EEF1AKMT1: variants seen among roughly 807,000 people sequenced by gnomAD.
EEF1AKMT1 encodes the protein N-6 adenine-specific DNA methyltransferase 2 (putative).
A neutral mutation model predicts 21.0 loss-of-function variants in EEF1AKMT1; 18 were observed. The observed-to-expected ratio is 0.86, with a 90% confidence interval of 0.59 to 1.27. The LOEUF is 1.27. Among genes scored for constraint, EEF1AKMT1 ranks in the 50% most tolerant of loss-of-function variants. EEF1AKMT1 has a pLI of 0.00. For missense variants in EEF1AKMT1, 246 were observed against 258.6 expected, an observed-to-expected ratio of 0.95 and a Z score of 0.33; for synonymous variants, 109 against 94.8, an observed-to-expected ratio of 1.15 and a Z score of -0.87.
Position 20,773,911 on chromosome 13 carries a change from C to CGCCACTCACCA in EEF1AKMT1, c.-21_-20+9dup, listed in dbSNP as rs1402497005. ...CCAACCCTACAGCTGCGCCCGAACC[C>CGCCACTCACCA]GCCACTCACCAGCCGCGCGTGCGCA... is the stretch of plus-strand genomic sequence containing the variant. On this transcript the variant is annotated intron_variant, in intron 1 of 4. Transcript: ENST00000382758. The CGCCACTCACCA allele has an allele frequency of 6.6e-6, 1 of 152,466 alleles. No individual in the cohort carries two copies. Among genetic ancestry groups the CGCCACTCACCA allele is most frequent in the Admixed American group, 6.5e-5 (1 of 15,294 alleles). 9.4% of individuals were successfully genotyped at this position (152,466 alleles called of 1,614,324 possible).
At chr13:20,743,290 C>G (rs1364575189) in intron 2 of EEF1AKMT1, among the ~76,000 whole-genome samples, 1 of 152,106 alleles carries the variant, frequency 6.6e-6, no homozygotes, top group Non-Finnish European at 1.5e-5. Context: ...TGCTCTCAAA[C>G]TCCTGACCTC....
intron 1 of EEF1AKMT1, among the ~76,000 whole-genome samples, chr13:20,760,964 A>T: frequency 6.6e-6 from 1 of 152,212 alleles, no homozygotes; most frequent in Admixed American, 6.5e-5. Flanking sequence ...AAAAATAATG[A>T]AGGTCCATCC....
intron 2 of EEF1AKMT1, among the ~76,000 whole-genome samples, chr13:20,755,221 C>CCCAG (rs2058965631): frequency 1.2e-4 from 19 of 152,178 alleles, no homozygotes; most frequent in Non-Finnish European, 2.5e-4. Flanking sequence ...GGCAGCAGAC[C>CCCAG]ACAGCAACCT....
At chr13:20,747,462 CTTTTTTTTT>C (rs60730051) in intron 2 of EEF1AKMT1, 2 of 87,656 alleles carry the variant, frequency 2.3e-5, no homozygotes, top group Non-Finnish European at 4.1e-5. Context: ...TAGGCACATT[CTTTTTTTTT>C]TTTTTTTTTT....
chr13:20,738,479 A>G (rs567375260), intron 2 of EEF1AKMT1, among the ~76,000 whole-genome samples: 1 of 152,330 alleles, frequency 6.6e-6, no homozygotes, highest in East Asian at 1.9e-4. Flanking sequence ...TATTTCTCCA[A>G]CAGGCCTCTC....
At chr13:20,737,890 CA>C (rs2058835318) in intron 2 of EEF1AKMT1, 85 bp from the exon 3 acceptor site, 1 of 869,130 alleles carries the variant, frequency 1.2e-6, no homozygotes. Context: ...TACCAGTGGA[CA>C]GATATTTTGT....
chr13:20,758,923 G>A (rs989100381), intron 1 of EEF1AKMT1, among the ~76,000 whole-genome samples: 4 of 152,162 alleles, frequency 2.6e-5, no homozygotes, highest in Non-Finnish European at 5.9e-5. Context: ...AATGGGGAAA[G>A]GATATTCTAT....
intron 1 of EEF1AKMT1, among the ~76,000 whole-genome samples, chr13:20,768,246 A>G (rs932191899): frequency 6.6e-6 from 1 of 152,196 alleles, no homozygotes; most frequent in Non-Finnish European, 1.5e-5. Flanking sequence ...GTATTCCTGA[A>G]ACACAGGTTA....
chr13:20,758,991 C>T (rs551073952), intron 1 of EEF1AKMT1, among the ~76,000 whole-genome samples: 7 of 152,258 alleles, frequency 4.6e-5, no homozygotes, highest in African/African-American at 1.4e-4. Flanking sequence ...AAACTGGACG[C>T]CTACCTCTCA....
intron 4 of EEF1AKMT1, among the ~76,000 whole-genome samples, chr13:20,731,394 GT>G (rs2058794826): frequency 6.6e-6 from 1 of 152,188 alleles, no homozygotes; most frequent in Admixed American, 6.5e-5. Flanking sequence ...TAGCCCAATG[GT>G]TTGAGGTTAC....
chr13:20,745,168 CT>C (rs985213690), intron 2 of EEF1AKMT1, among the ~76,000 whole-genome samples: 1 of 152,162 alleles, frequency 6.6e-6, no homozygotes, highest in Non-Finnish European at 1.5e-5. Flanking sequence ...TATACGGGCT[CT>C]TTTTTCTTTC....
chr13:20,762,103 G>A (rs1443814395), intron 1 of EEF1AKMT1, among the ~76,000 whole-genome samples: 1 of 151,662 alleles, frequency 6.6e-6, no homozygotes, highest in Non-Finnish European at 1.5e-5. Context: ...TTTATTTTTC[G>A]GGGTCTTCCA....
intron 2 of EEF1AKMT1, among the ~76,000 whole-genome samples, chr13:20,740,072 C>T (rs2058860684): frequency 6.6e-6 from 1 of 152,232 alleles, no homozygotes; most frequent in African/African-American, 2.4e-5. Flanking sequence ...TGAGCCCTGC[C>T]CTGCGGGGAG....
chr13:20,738,634 G>A (rs2058842381), intron 2 of EEF1AKMT1, among the ~76,000 whole-genome samples: 1 of 152,160 alleles, frequency 6.6e-6, no homozygotes, highest in African/African-American at 2.4e-5. Context: ...CCCCTACAAT[G>A]AAATATTATT....
At position 20,750,773 on chromosome 13, in the gene EEF1AKMT1, A is replaced by G. The variant is rs374063055; in HGVS notation, c.144+6682T>C. ...TTGAGAAATCACCATACTGTTTTCC[A>G]CAGTAGCTATAGTAATTTACATTCC... On this transcript the variant is annotated intron_variant, in intron 2 of 4. Coordinates refer to ENST00000382758, the MANE Select transcript of EEF1AKMT1 (RefSeq NM_001318939.2). 8.8e-4 allele frequency among the ~76,000 whole-genome samples: 134 copies of G among 152,332 alleles called. 3 individuals are homozygous for G. In the South Asian group the frequency reaches 0.026, roughly 29 times the overall value.
intron 1 of EEF1AKMT1, among the ~76,000 whole-genome samples, chr13:20,765,133 C>G (rs367671059): frequency 5.9e-5 from 9 of 152,036 alleles, no homozygotes; most frequent in African/African-American, 2.2e-4. Context: ...TGGTGGAGGG[C>G]ACCTGTAATC....
rs1036648012 is a variant in EEF1AKMT1, at chr13:20,762,523, G to A, written c.-19-4906C>T. 5.3e-5 allele frequency among the ~76,000 whole-genome samples: 8 copies of A among 151,802 alleles called. No individual in the cohort carries two copies. In the South Asian group the frequency reaches 6.2e-4, roughly 12 times the overall value. ...AGTGAGCTGAATAGGAGTGATAAGA[G>A]CAGATATCCTACACTTGTCCCAGAT... On this transcript the variant is annotated intron_variant, in intron 1 of 4. Transcript: ENST00000382758.
rs1199456643 is a variant in EEF1AKMT1, at chr13:20,757,620, G to A, written c.-19-3C>T. Reference sequence around the variant, plus strand: ...TCATTTCACAAGTTGTTTATAACCTGCAGATCAAGAAATAAATGTTCTGTG... The same window carrying A: ...TCATTTCACAAGTTGTTTATAACCTACAGATCAAGAAATAAATGTTCTGTG... On this transcript the variant is annotated splice_polypyrimidine_tract_variant and splice_region_variant and intron_variant, in intron 1 of 4. Transcript: ENST00000382758. 2.5e-6 allele frequency: 4 copies of A among 1,605,762 alleles called. No homozygotes were observed. Among genetic ancestry groups the A allele is most frequent in the Non-Finnish European group, 2.6e-6 (3 of 1,174,284 alleles).
intron 2 of EEF1AKMT1, among the ~76,000 whole-genome samples, chr13:20,757,059 C>T (rs914363780): frequency 1.3e-5 from 2 of 152,144 alleles, no homozygotes; most frequent in East Asian, 1.9e-4. Context: ...TGGGAACCGC[C>T]GAACGTGGGT....
Sources: allele counts gnomAD v4.1 joint callset (sites outside exome capture counted in the v4.1 genomes callset), GRCh38; gene constraint gnomAD v4.1.1; transcripts MANE v1.5; gene names NCBI Gene and HGNC (gene_info 2026-07-23, HGNC 2026-07-21).